TYW1B: variants seen among roughly 807,000 people sequenced by gnomAD.
TYW1B encodes the protein tRNA-yW synthesizing protein 1 homolog B, also known as S-adenosyl-L-methionine-dependent tRNA 4-demethylwyosine synthase TYW1B.
TYW1B carries 73 observed loss-of-function variants against 86.9 expected under a neutral mutation model. The observed-to-expected ratio is 0.84, with a 90% CI of 0.70 to 1.02. The LOEUF is 1.02. Ranked by LOEUF, TYW1B falls within the 50% of genes least tolerant of loss-of-function variation. The probability of loss-of-function intolerance (pLI) is 0.00; values close to 1 mark genes in which losing one functional copy is unlikely to be tolerated. For synonymous variants in TYW1B, 248 were observed against 292.8 expected (o/e 0.85, Z 1.56); for missense variants, 637 against 827.4 (o/e 0.77, Z 2.82).
At chr7:72,704,984 A>G (rs1158035869) in intron 10 of TYW1B, among the ~76,000 whole-genome samples, 1 of 152,128 alleles carries the variant, frequency 6.6e-6, no homozygotes, top group Non-Finnish European at 1.5e-5. Flanking sequence ...TTTAAACTTC[A>G]TATGTTTAGT....
chr7:72,770,009 G>A (rs193249471), intron 7 of TYW1B, among the ~76,000 whole-genome samples: 3 of 151,934 alleles, frequency 2.0e-5, no homozygotes, highest in East Asian at 3.9e-4. Flanking sequence ...GAACCCGAGA[G>A]GTGCAGTGAT....
chr7:72,774,767 A>G (rs1787926382), intron 7 of TYW1B, among the ~76,000 whole-genome samples: 1 of 152,150 alleles, frequency 6.6e-6, no homozygotes, highest in African/African-American at 2.4e-5. Flanking sequence ...AAAAATACCC[A>G]GTACCTAATA....
Position 72,575,043 on chromosome 7 carries a change from T to C in TYW1B, c.*455A>G. Reference sequence around the variant, plus strand: ...ACAGAAGAAAGGGATCAAGCTCTTATCTTAGAAAGCACAGACACGTTTAGC... The same window carrying C: ...ACAGAAGAAAGGGATCAAGCTCTTACCTTAGAAAGCACAGACACGTTTAGC... On this transcript the variant is annotated 3_prime_UTR_variant, in exon 14 of 14. Transcript: ENST00000620995. 1 of 995,336 alleles carries C rather than the reference T, an allele frequency of 1.0e-6. No individual in the cohort carries two copies. Among genetic ancestry groups the C allele is most frequent in the Non-Finnish European group, 1.2e-6 (1 of 835,562 alleles). The allele number at this position is 995,336 out of a possible 1,614,324, so 61.7% of individuals were successfully genotyped here. A position where few individuals can be genotyped will look rare whatever the true frequency, so the allele number is the denominator to read the frequency against.
chr7:72,719,424 T>A (rs1585927938), intron 9 of TYW1B, among the ~76,000 whole-genome samples: 2 of 151,084 alleles, frequency 1.3e-5, no homozygotes, highest in African/African-American at 4.9e-5. Flanking sequence ...AGGTTAGGGG[T>A]TCGAGACCAG....
In TYW1B at chr7:72,630,045, G is replaced by A. The variant is rs568939554; in HGVS notation, c.1507-1048C>T. Among the ~76,000 whole-genome samples, 18 of 152,238 alleles carry A rather than the reference G, an allele frequency of 1.2e-4. No individual in the cohort carries two copies. The East Asian group carries it at 2.7e-3, about 23-fold the overall frequency. On this transcript the variant is annotated intron_variant, in intron 11 of 13. Transcript: ENST00000620995. ...TGTAATCCCAGCACTTTGGGAGGCCGAGGCAGGGGGATCACCTGAGGTAAG... is the reference window on the plus strand; with the variant it reads ...TGTAATCCCAGCACTTTGGGAGGCCAAGGCAGGGGGATCACCTGAGGTAAG...
chr7:72,771,327 T>G (rs1414945182), intron 7 of TYW1B, among the ~76,000 whole-genome samples: 20 of 152,156 alleles, frequency 1.3e-4, no homozygotes, highest in Non-Finnish European at 2.5e-4. Flanking sequence ...AAGAATTCCC[T>G]AGGGAAAAGG....
chr7:72,717,229 A>T (rs1786806560), intron 9 of TYW1B, among the ~76,000 whole-genome samples: 1 of 150,858 alleles, frequency 6.6e-6, no homozygotes, highest in South Asian at 2.1e-4. Context: ...TGAACCCTGG[A>T]GGTGGAGGTT....
intron 11 of TYW1B, among the ~76,000 whole-genome samples, chr7:72,632,415 A>G (rs1189042126): frequency 8.3e-5 from 9 of 107,898 alleles, no homozygotes; most frequent in Admixed American, 2.2e-4. Flanking sequence ...ATATATACAT[A>G]TATATATAAA....
intron 7 of TYW1B, among the ~76,000 whole-genome samples, chr7:72,774,078 A>AC (rs1443910605): frequency 2.0e-5 from 3 of 151,210 alleles, no homozygotes; most frequent in African/African-American, 7.3e-5. Context: ...AAAAAAAAAA[A>AC]AAAGAAACAA....
At chr7:72,684,446 A>G (rs1554448927) in intron 11 of TYW1B, among the ~76,000 whole-genome samples, 1 of 152,130 alleles carries the variant, frequency 6.6e-6, no homozygotes, top group Non-Finnish European at 1.5e-5. Flanking sequence ...GAAAGAAAAA[A>G]TCACCACCTA....
At chr7:72,672,740 TGA>T (rs2129569740) in intron 11 of TYW1B, among the ~76,000 whole-genome samples, 1 of 152,330 alleles carries the variant, frequency 6.6e-6, no homozygotes, top group African/African-American at 2.4e-5. Context: ...CTGCAGATAC[TGA>T]GAGACAACAG....
intron 2 of TYW1B, among the ~76,000 whole-genome samples, chr7:72,816,123 T>A (rs1429495032): frequency 6.6e-6 from 1 of 152,096 alleles, no homozygotes; most frequent in Non-Finnish European, 1.5e-5. Context: ...ACAACTGTAA[T>A]CCCAGTACCT....
chr7:72,606,547 T>C (rs1811803585), intron 13 of TYW1B, among the ~76,000 whole-genome samples: 1 of 151,398 alleles, frequency 6.6e-6, no homozygotes, highest in African/African-American at 2.4e-5. Flanking sequence ...TACACTCGAG[T>C]GGTGTCAGAA....
At chr7:72,807,588 G>A (rs1554477074) in intron 4 of TYW1B, among the ~76,000 whole-genome samples, 1 of 151,938 alleles carries the variant, frequency 6.6e-6, no homozygotes, top group Non-Finnish European at 1.5e-5. Context: ...TTAAACAAAA[G>A]GACAAACAAA....
chr7:72,695,847 C>T (rs1307060278), intron 10 of TYW1B, among the ~76,000 whole-genome samples: 1 of 152,134 alleles, frequency 6.6e-6, no homozygotes, highest in African/African-American at 2.4e-5. Flanking sequence ...CCACCCACCT[C>T]AGCCTCCCAA....
intron 2 of TYW1B, chr7:72,822,982 A>T (rs1255607524): frequency 1.3e-5 from 2 of 152,064 alleles, no homozygotes; most frequent in African/African-American, 4.8e-5. Flanking sequence ...TGACAGAGCA[A>T]GACCCTATCT....
intron 11 of TYW1B, among the ~76,000 whole-genome samples, chr7:72,632,627 T>C (rs1270315061): frequency 2.7e-5 from 4 of 145,672 alleles, no homozygotes. Context: ...TTTATAAATA[T>C]AATGTAATTC....
At chr7:72,741,864 T>C (rs1228951625) in intron 8 of TYW1B, among the ~76,000 whole-genome samples, 1 of 152,148 alleles carries the variant, frequency 6.6e-6, no homozygotes, top group Non-Finnish European at 1.5e-5. Flanking sequence ...AAAAAAACTG[T>C]CAGTCTAGAT....
chr7:72,674,095 A>G (rs1304774293), intron 11 of TYW1B, among the ~76,000 whole-genome samples: 1 of 151,976 alleles, frequency 6.6e-6, no homozygotes, highest in East Asian at 1.9e-4. Flanking sequence ...TTCATAGGGG[A>G]TGGTACAACC....
Sources: allele counts gnomAD v4.1 joint callset (sites outside exome capture counted in the v4.1 genomes callset), GRCh38; gene constraint gnomAD v4.1.1; transcripts MANE v1.5; gene names NCBI Gene and HGNC (gene_info 2026-07-23, HGNC 2026-07-21).